CBY2: variants seen among roughly 807,000 people sequenced by gnomAD.
The protein encoded by CBY2 is protein chibby homolog 2.
Under a neutral mutation model 25.3 loss-of-function variants are expected in CBY2, and 23 were observed. The ratio of observed to expected loss-of-function variants is 0.91; its 90% confidence interval spans 0.65 to 1.29. CBY2 has a LOEUF of 1.29. Ranked by LOEUF, CBY2 falls within the 50% of genes most tolerant of loss-of-function variation. The pLI, the probability that CBY2 is intolerant of heterozygous loss-of-function variation, is 0.00. For synonymous variants in CBY2, 279 were observed against 260.2 expected (o/e 1.07, Z -0.70); for missense variants, 642 against 590.7 (o/e 1.09, Z -0.90).
intron 2 of CBY2, among the ~76,000 whole-genome samples, chr13:45,709,648 T>C (rs1265908121): frequency 1.3e-5 from 2 of 152,210 alleles, no homozygotes; most frequent in African/African-American, 4.8e-5. Flanking sequence ...TAAGATAACC[T>C]AGCGGTAGGG....
chr13:45,713,992 G>A lies in CBY2; in HGVS notation c.967G>A (p.Glu323Lys). 1 of 1,504,154 alleles carries A rather than the reference G, an allele frequency of 6.6e-7. No homozygotes were observed. The highest frequency in any genetic ancestry group is 8.9e-7 in the Non-Finnish European group (1 of 1,129,714). 93.2% of individuals were successfully genotyped at this position (1,504,154 alleles called of 1,614,324 possible). Residue 323 changes from glutamate (E) to lysine (K), a missense_variant, in exon 3 of 3, where the codon GAG becomes AAG. Coordinates refer to ENST00000310521, the MANE Select transcript of CBY2 (RefSeq NM_152719.3). This position sits in a 1 kb window ranked among gnomAD's most constrained non-coding sequence, Gnocchi z 5.0. The stretch of plus-strand genomic sequence containing the variant: ...TCCGGCCCGGCAGGAGGACTCCAAG[G>A]AGCTGCGCGCCCTGCGGAAGATGGT... The part of the protein sequence containing the change: ...GPPARQEDSK[E>K]LRALRKMVSN...
At position 45,714,479 on chromosome 13, in the gene CBY2, C is replaced by G. The variant is rs1950302652; in HGVS notation, c.*107C>G. The G allele has an allele frequency of 9.8e-7, 1 of 1,023,510 alleles. No individual in the cohort carries two copies. 63.4% of individuals were successfully genotyped at this position (1,023,510 alleles called of 1,614,324 possible). On this transcript the variant is annotated 3_prime_UTR_variant, in exon 3 of 3. Coordinates refer to ENST00000310521, the MANE Select transcript of CBY2 (RefSeq NM_152719.3). ...CTCGCCTTCCCCAGCCAGTTCGTACCTATTGAAAAGCAGCGTTAGCAGCCT... is the reference window on the plus strand; with the variant it reads ...CTCGCCTTCCCCAGCCAGTTCGTACGTATTGAAAAGCAGCGTTAGCAGCCT...
Position 45,713,695 on chromosome 13 carries a change from G to C in CBY2, c.670G>C (p.Ala224Pro). 1 of 1,612,386 alleles carries C rather than the reference G, an allele frequency of 6.2e-7. No homozygotes were observed. Among genetic ancestry groups the C allele is most frequent in the Non-Finnish European group, 8.5e-7 (1 of 1,179,962 alleles). ...CTCGCCACTGCTGCACAAAGACAGC[G>C]CGTCCCTGGAGGTGGTGAAGAAGGA... Reference protein sequence around the residue: ...APSPLLHKDSASLEVVKKDHV... With the variant: ...APSPLLHKDSPSLEVVKKDHV... Residue 224 changes from alanine to proline, a missense_variant, in exon 3 of 3, where the codon GCG (alanine) becomes CCG (proline). Ala to Pro is a conservative substitution (Grantham distance 27). Transcript: ENST00000310521. This position sits in a 1 kb window ranked among gnomAD's most constrained non-coding sequence, Gnocchi z 5.0.
At chr13:45,703,177 G>T in intron 2 of CBY2, 3 of 1,251,676 alleles carry the variant, frequency 2.4e-6, no homozygotes, top group Non-Finnish European at 3.0e-6. Context: ...TTAGTGTTGT[G>T]CAATCACTCT....
intron 2 of CBY2, among the ~76,000 whole-genome samples, chr13:45,711,008 T>A (rs1950267460): frequency 6.6e-6 from 1 of 152,226 alleles, no homozygotes; most frequent in Non-Finnish European, 1.5e-5. Context: ...TCTCTATCTG[T>A]ACGGTTGTGA....
intron 2 of CBY2, among the ~76,000 whole-genome samples, chr13:45,709,138 T>A (rs1194464309): frequency 1.3e-5 from 2 of 152,190 alleles, no homozygotes; most frequent in Non-Finnish European, 2.9e-5. Context: ...CTCTTACCCT[T>A]CATTTTACAG....
Position 45,713,101 on chromosome 13 carries a change from G to T in CBY2, c.157-81G>T, listed in dbSNP as rs981237056. The T allele has an allele frequency of 1.7e-6, 2 of 1,149,214 alleles. No individual in the cohort carries two copies. The highest frequency in any genetic ancestry group is 2.4e-6 in the Non-Finnish European group (2 of 824,966). The allele number at this position is 1,149,214 out of a possible 1,614,324, so 71.2% of individuals were successfully genotyped here. ...GACAATCAGACGGGGCTTATTTGGG[G>T]ATGTCCTGGCCCCTTTGTCAGCCAG... On this transcript the variant is annotated intron_variant, in intron 2 of 2. Transcript: ENST00000310521. This position sits in a 1 kb window ranked among gnomAD's most constrained non-coding sequence, Gnocchi z 5.0.
intron 2 of CBY2, among the ~76,000 whole-genome samples, chr13:45,706,161 C>T (rs1950238513): frequency 6.6e-6 from 1 of 152,210 alleles, no homozygotes; most frequent in Non-Finnish European, 1.5e-5. Context: ...GCCCTTTGGC[C>T]TTTGCATTTT....
In CBY2 at chr13:45,713,422, G is replaced by C; in HGVS notation, c.397G>C (p.Gly133Arg). 6.2e-7 allele frequency: 1 copy of C among 1,614,200 alleles called. No individual in the cohort carries two copies. Among genetic ancestry groups the C allele is most frequent in the Non-Finnish European group, 8.5e-7 (1 of 1,180,046 alleles). ...LSDEMFVFQDGRWVNENCRLQ... is the reference protein window; with the variant it reads ...LSDEMFVFQDRRWVNENCRLQ... ...CGACGAGATGTTCGTGTTCCAGGAC[G>C]GGCGCTGGGTAAATGAGAACTGCCG... Residue 133 changes from glycine to arginine, a missense_variant, in exon 3 of 3, where the codon GGG (glycine) becomes CGG (arginine). Gly to Arg is a moderately radical substitution (Grantham distance 125). Coordinates refer to ENST00000310521, the MANE Select transcript of CBY2 (RefSeq NM_152719.3). This position sits in a 1 kb window ranked among gnomAD's most constrained non-coding sequence, Gnocchi z 5.0.
In CBY2 at chr13:45,713,991, G is replaced by A. The variant is rs1370030907; in HGVS notation, c.966G>A (p.Lys322=). The change falls in exon 3 of 3, where the codon AAG becomes AAA. Residue 322 remains lysine, a synonymous_variant. Transcript: ENST00000310521. This position sits in a 1 kb window ranked among gnomAD's most constrained non-coding sequence, Gnocchi z 5.0. ...CTCCGGCCCGGCAGGAGGACTCCAA[G>A]GAGCTGCGCGCCCTGCGGAAGATGG... The part of the protein sequence containing the change: ...KGPPARQEDS[K]ELRALRKMVS... 1 of 1,503,168 alleles carries A rather than the reference G, an allele frequency of 6.7e-7. No homozygotes were observed. Among genetic ancestry groups the A allele is most frequent in the Non-Finnish European group, 8.9e-7 (1 of 1,129,326 alleles). The allele number at this position is 1,503,168 out of a possible 1,614,324, so 93.1% of individuals were successfully genotyped here.
rs1270290198 is a variant in CBY2, at chr13:45,704,782, A to G, written c.156+1927A>G. Among the ~76,000 whole-genome samples the G allele has an allele frequency of 3.3e-5, 5 of 152,152 alleles. No homozygotes were observed. Among genetic ancestry groups the G allele is most frequent in the African/African-American group, 1.2e-4 (5 of 41,424 alleles). On this transcript the variant is annotated intron_variant, in intron 2 of 2. Coordinates refer to ENST00000310521, the MANE Select transcript of CBY2 (RefSeq NM_152719.3). The surrounding 1 kb of genome is among the most constrained non-coding windows in gnomAD (Gnocchi z 4.1). ...TGGCAGAGCTCGAGGAAGGGGCTTG[A>G]ACTCAAATCAGTGCCCATGTTCTCC...
chr13:45,702,338 T>G lies in CBY2; in HGVS notation c.-53T>G. 6.6e-7 allele frequency: 1 copy of G among 1,520,382 alleles called. No homozygotes were observed. The highest frequency in any genetic ancestry group is 9.1e-7 in the Non-Finnish European group (1 of 1,094,730). The allele number at this position is 1,520,382 out of a possible 1,614,324, so 94.2% of individuals were successfully genotyped here. A position where few individuals can be genotyped will look rare whatever the true frequency, so the allele number is the denominator to read the frequency against. ...GCCTGTCAGATGCCTCATTCCCACC[T>G]GTGATGCTCAGAGAGAAACCATGAG... On this transcript the variant is annotated 5_prime_UTR_variant, in exon 1 of 3. Transcript: ENST00000310521.
chr13:45,702,334 C>T lies in CBY2; in HGVS notation c.-57C>T, dbSNP rs769767293. 3 of 1,499,526 alleles carry T rather than the reference C, an allele frequency of 2.0e-6. No homozygotes were observed. The highest frequency in any genetic ancestry group is 1.4e-5 in the African/African-American group (1 of 72,602). 92.9% of individuals were successfully genotyped at this position (1,499,526 alleles called of 1,614,324 possible). ...TCCTGCCTGTCAGATGCCTCATTCC[C>T]ACCTGTGATGCTCAGAGAGAAACCA... is the stretch of plus-strand genomic sequence containing the variant. On this transcript the variant is annotated 5_prime_UTR_variant, in exon 1 of 3. Coordinates refer to ENST00000310521, the MANE Select transcript of CBY2 (RefSeq NM_152719.3).
At position 45,702,835 on chromosome 13, in the gene CBY2, A is replaced by G. The variant is rs1950218245; in HGVS notation, c.136A>G (p.Ile46Val). The change falls in exon 2 of 3, where the codon ATC becomes GTC. Residue 46 changes from isoleucine to valine, a missense_variant. Ile to Val is a conservative substitution (Grantham distance 29). Coordinates refer to ENST00000310521, the MANE Select transcript of CBY2 (RefSeq NM_152719.3). Reference protein sequence around the residue: ...DTRSESLEIPISVVLPQRGTA... With the variant: ...DTRSESLEIPVSVVLPQRGTA... ...CAGATCTGAAAGCCTAGAAATTCCAATCAGTGTGGTTCTACCTCAGGTAGG... is the reference window on the plus strand; with the variant it reads ...CAGATCTGAAAGCCTAGAAATTCCAGTCAGTGTGGTTCTACCTCAGGTAGG... 6.2e-7 allele frequency: 1 copy of G among 1,613,960 alleles called. No homozygotes were observed. The highest frequency in any genetic ancestry group is 8.5e-7 in the Non-Finnish European group (1 of 1,179,796).
Position 45,713,410 on chromosome 13 carries a change from G to C in CBY2, c.385G>C (p.Val129Leu), listed in dbSNP as rs1566071409. The C allele has an allele frequency of 1.2e-6, 2 of 1,614,216 alleles. No homozygotes were observed. The highest frequency in any genetic ancestry group is 1.7e-6 in the Non-Finnish European group (2 of 1,180,030). ...GGTGCAGCTCAGCGACGAGATGTTC[G>C]TGTTCCAGGACGGGCGCTGGGTAAA... Reference protein sequence around the residue: ...PRVQLSDEMFVFQDGRWVNEN... With the variant: ...PRVQLSDEMFLFQDGRWVNEN... Residue 129 changes from valine to leucine, a missense_variant, in exon 3 of 3, where the codon GTG becomes CTG. Physicochemically the swap from Val to Leu is conservative, Grantham distance 32. Coordinates refer to ENST00000310521, the MANE Select transcript of CBY2 (RefSeq NM_152719.3). The surrounding 1 kb of genome is among the most constrained non-coding windows in gnomAD (Gnocchi z 5.0).
At position 45,713,080 on chromosome 13, in the gene CBY2, A is replaced by G. The variant is rs986980408; in HGVS notation, c.157-102A>G. ...GCGCCCACTGTGGCCAGGCCAGACA[A>G]TCAGACGGGGCTTATTTGGGGATGT... On this transcript the variant is annotated intron_variant, in intron 2 of 2. Coordinates refer to ENST00000310521, the MANE Select transcript of CBY2 (RefSeq NM_152719.3). The surrounding 1 kb of genome is among the most constrained non-coding windows in gnomAD (Gnocchi z 5.0). 69 of 965,316 alleles carry G rather than the reference A, an allele frequency of 7.1e-5. No homozygotes were observed. The African/African-American group carries it at 1.1e-3, about 15-fold the overall frequency. The allele number at this position is 965,316 out of a possible 1,614,324, so 59.8% of individuals were successfully genotyped here.
rs754184992 is a variant in CBY2 at position 45,713,706 on chromosome 13, G to A, written c.681G>A (p.Glu227=). The A allele has an allele frequency of 9.3e-6, 15 of 1,612,078 alleles. No individual in the cohort carries two copies. The South Asian group carries it at 1.5e-4, about 17-fold the overall frequency. Residue 227 remains glutamate (E), a synonymous_variant, in exon 3 of 3, where the codon GAG becomes GAA. Coordinates refer to ENST00000310521, the MANE Select transcript of CBY2 (RefSeq NM_152719.3). The surrounding 1 kb of genome is among the most constrained non-coding windows in gnomAD (Gnocchi z 5.0). ...TGCACAAAGACAGCGCGTCCCTGGA[G>A]GTGGTGAAGAAGGACCACGTCGCCC... ...PLLHKDSASL[E]VVKKDHVALQ... is the part of the protein sequence containing the mutation.
At chr13:45,712,528 G>A (rs1230276951) in intron 2 of CBY2, among the ~76,000 whole-genome samples, 15 of 152,204 alleles carry the variant, frequency 9.9e-5, no homozygotes, top group Admixed American at 9.8e-4. Flanking sequence ...GTAATTCTCA[G>A]ACATGCACGG....
At position 45,713,043 on chromosome 13, in the gene CBY2, C is replaced by G. The variant is rs1295211490; in HGVS notation, c.157-139C>G. ...AGGCCACATTTCCTTGTGAGGACCCCAAGAAGCAAAAGCGCCCACTGTGGC... is the reference window on the plus strand; with the variant it reads ...AGGCCACATTTCCTTGTGAGGACCCGAAGAAGCAAAAGCGCCCACTGTGGC... On this transcript the variant is annotated intron_variant, in intron 2 of 2. Coordinates refer to ENST00000310521, the MANE Select transcript of CBY2 (RefSeq NM_152719.3). This position sits in a 1 kb window ranked among gnomAD's most constrained non-coding sequence, Gnocchi z 5.0. The G allele has an allele frequency of 1.5e-6, 1 of 660,516 alleles. No homozygotes were observed. The highest frequency in any genetic ancestry group is 1.8e-5 in the African/African-American group (1 of 55,008). The allele number at this position is 660,516 out of a possible 1,614,324, so 40.9% of individuals were successfully genotyped here.
Sources: gnomAD v4.1 joint callset for allele counts (sites outside exome capture counted in the v4.1 genomes callset) on GRCh38, gnomAD v4.1.1 for gene constraint, Gnocchi (gnomAD v3.1) non-coding constraint, MANE v1.5 for transcripts, NCBI Gene and HGNC (gene_info 2026-07-23, HGNC 2026-07-21) for gene names.